PIEZO2: variants seen among roughly 807,000 people sequenced by gnomAD.
PIEZO2 encodes the protein piezo-type mechanosensitive ion channel component 2.
Under a neutral mutation model 337.3 loss-of-function variants are expected in PIEZO2, and 172 were observed. The ratio of observed to expected loss-of-function variants is 0.51; its 90% CI spans 0.45 to 0.58. The LOEUF is 0.58. PIEZO2 is among the 20% of genes least tolerant of loss of function. PIEZO2 has a pLI of 0.00. For missense variants in PIEZO2, 3,028 were observed against 3,391.3 expected (o/e 0.89, Z 2.66); for synonymous variants, 1,251 against 1,228.5 (o/e 1.02, Z -0.38).
chr18:11,030,686 T>C lies in PIEZO2; in HGVS notation c.160+35441A>G, dbSNP rs78567443. Among the ~76,000 whole-genome samples, 1,041 of 152,186 alleles carry C rather than the reference T, an allele frequency of 6.8e-3. 9 individuals are homozygous for C. Among genetic ancestry groups the C allele is most frequent in the African/African-American group, 0.024 (1,001 of 41,518 alleles). ...ATATGACAAGGACCCCAGGCCTCCA[T>C]AGGGGACGGTGCTGCCCACTCTTAA... On this transcript the variant is annotated intron_variant, in intron 2 of 55. Coordinates refer to ENST00000674853, the MANE Select transcript of PIEZO2 (RefSeq NM_001378183.1).
In PIEZO2 at chr18:10,857,353, C is replaced by T. The variant is rs1313503961; in HGVS notation, c.493-142G>A. 4.4e-6 allele frequency: 3 copies of T among 687,164 alleles called. No individual in the cohort carries two copies. In the African/African-American group the frequency reaches 5.4e-5, roughly 12 times the overall value. The allele number at this position is 687,164 out of a possible 1,614,324, so 42.6% of individuals were successfully genotyped here. A position where few individuals can be genotyped will look rare whatever the true frequency, so the allele number is the denominator to read the frequency against. On this transcript the variant is annotated intron_variant, in intron 5 of 55. Coordinates refer to ENST00000674853, the MANE Select transcript of PIEZO2 (RefSeq NM_001378183.1). ...AAAAGGGAAGACAACCAGTTCATTC[C>T]CCTCAGGTCTCTGATAATCCCCGTA...
intron 17 of PIEZO2, among the ~76,000 whole-genome samples, chr18:10,780,815 A>G (rs1479862282): frequency 1.3e-5 from 2 of 151,682 alleles, no homozygotes; most frequent in African/African-American, 4.8e-5. Context: ...GGTGTATGCC[A>G]TCATACCTGG....
At chr18:11,061,912 A>G (rs1445576117) in intron 2 of PIEZO2, among the ~76,000 whole-genome samples, 2 of 152,226 alleles carry the variant, frequency 1.3e-5, no homozygotes, top group Non-Finnish European at 2.9e-5. Flanking sequence ...AAACTACTTT[A>G]AAGTTCATAT....
Position 11,148,237 on chromosome 18 carries a change from C to T in PIEZO2, c.64+288G>A, listed in dbSNP as rs549098611. Among the ~76,000 whole-genome samples, 12 of 152,282 alleles carry T rather than the reference C, an allele frequency of 7.9e-5. 1 individual carries two copies. Among genetic ancestry groups the T allele is most frequent in the African/African-American group, 2.9e-4 (12 of 41,562 alleles). On this transcript the variant is annotated intron_variant, in intron 1 of 55. Transcript: ENST00000674853. The surrounding 1 kb of genome is among the most constrained non-coding windows in gnomAD (Gnocchi z 5.2). ...GCCACAGCAATGGCCATCCTTAGTA[C>T]ACAAGTCAGTACTCCACGAAAGAAA...
At position 11,148,712 on chromosome 18, in the gene PIEZO2, G is replaced by C; in HGVS notation, c.-124C>G. The stretch of plus-strand genomic sequence containing the variant: ...GGCAGCTCGCAGCCACCCGAGCATC[G>C]CCTCGGCGCGGGCCGCGACGCTCTC... On this transcript the variant is annotated 5_prime_UTR_variant, in exon 1 of 56. Coordinates refer to ENST00000674853, the MANE Select transcript of PIEZO2 (RefSeq NM_001378183.1). The surrounding 1 kb of genome is among the most constrained non-coding windows in gnomAD (Gnocchi z 5.2). 1 of 1,049,560 alleles carries C rather than the reference G, an allele frequency of 9.5e-7. No homozygotes were observed. The allele number at this position is 1,049,560 out of a possible 1,614,324, so 65.0% of individuals were successfully genotyped here. A position where few individuals can be genotyped will look rare whatever the true frequency, so the allele number is the denominator to read the frequency against.
Position 10,699,099 on chromosome 18 carries a change from C to A in PIEZO2, c.6520G>T (p.Gly2174Cys). The A allele has an allele frequency of 6.5e-7, 1 of 1,537,190 alleles. No individual in the cohort carries two copies. The highest frequency in any genetic ancestry group is 8.7e-7 in the Non-Finnish European group (1 of 1,146,896). The stretch of plus-strand genomic sequence containing the variant: ...TCGGAGGAGTCCCTCCTGCCATGAC[C>A]GAGGGAGAGCTCATCATCTGATTCC... The part of the protein sequence containing the change: ...REESDDELSL[G>C]HGRRDSSDSL... Residue 2174 changes from glycine (G) to cysteine (C), a missense_variant, in exon 44 of 56, where the codon GGT (glycine) becomes TGT (cysteine). This residue lies in a region of PIEZO2 where 1,925 missense variants were observed against 2,051.9 expected (regional missense o/e 0.94). Transcript: ENST00000674853.
At chr18:10,886,380 GTATA>G (rs1173330460) in intron 4 of PIEZO2, among the ~76,000 whole-genome samples, 10 of 3,012 alleles carry the variant, frequency 3.3e-3, no homozygotes, top group African/African-American at 0.011. Flanking sequence ...GTGTGTGTGT[GTATA>G]TATATATATA....
chr18:10,730,601 CAT>C (rs1186170724), intron 36 of PIEZO2, among the ~76,000 whole-genome samples: 1 of 152,078 alleles, frequency 6.6e-6, no homozygotes, highest in East Asian at 1.9e-4. Context: ...GTGTTTATAT[CAT>C]GTTTTCAAAT....
chr18:10,761,047 T>C lies in PIEZO2; in HGVS notation c.3314A>G (p.Tyr1105Cys), dbSNP rs1365014954. 5.9e-6 allele frequency: 9 copies of C among 1,537,074 alleles called. No homozygotes were observed. Among genetic ancestry groups the C allele is most frequent in the South Asian group, 1.2e-5 (1 of 84,068 alleles). ...GGCCGTCAGGTTATTTCGACCTCGA[T>C]AGTATTCCTGATGGCGGTAAATGGT... The part of the protein sequence containing the change: ...EVTIYRHQEY[Y>C]RGRNNLTAPV... Residue 1105 changes from tyrosine to cysteine, a missense_variant, in exon 24 of 56, where the codon TAT becomes TGT. Physicochemically the swap from Tyr to Cys is radical, Grantham distance 194. Transcript: ENST00000674853.
At chr18:10,818,071 C>T (rs568302182) in intron 7 of PIEZO2, among the ~76,000 whole-genome samples, 49 of 151,902 alleles carry the variant, frequency 3.2e-4, no homozygotes, top group African/African-American at 8.7e-4. Context: ...TTCTCTGTCC[C>T]TTGAAAAAAA....
At position 10,834,540 on chromosome 18, in the gene PIEZO2, T is replaced by C. The variant is rs547012405; in HGVS notation, c.917+20813A>G. ...GAGTCACAGAGTCTTTTTGGGAGAA[T>C]GCAACAGAATGTGATTGAATCCCTG... On this transcript the variant is annotated intron_variant, in intron 7 of 55. Coordinates refer to ENST00000674853, the MANE Select transcript of PIEZO2 (RefSeq NM_001378183.1). The surrounding 1 kb of genome is among the most constrained non-coding windows in gnomAD (Gnocchi z 4.5). 6.6e-6 allele frequency among the ~76,000 whole-genome samples: 1 copy of C among 152,318 alleles called. No individual in the cohort carries two copies. Among genetic ancestry groups the C allele is most frequent in the African/African-American group, 2.4e-5 (1 of 41,564 alleles).
At chr18:10,712,169 A>G (rs1232946631) in intron 39 of PIEZO2, among the ~76,000 whole-genome samples, 1 of 152,238 alleles carries the variant, frequency 6.6e-6, no homozygotes, top group Non-Finnish European at 1.5e-5. Flanking sequence ...GTAACTAGGA[A>G]GCAGCACCAG....
Position 10,830,936 on chromosome 18 carries a change from A to T in PIEZO2, c.918-23662T>A, listed in dbSNP as rs2040825560. 6.6e-6 allele frequency among the ~76,000 whole-genome samples: 1 copy of T among 152,262 alleles called. No individual in the cohort carries two copies. Among genetic ancestry groups the T allele is most frequent in the Admixed American group, 6.5e-5 (1 of 15,290 alleles). ...CAAACAGGCATATGCAAAAGTGCTT[A>T]GCATAATTTATCACCAGAGAAATGC... On this transcript the variant is annotated intron_variant, in intron 7 of 55. Transcript: ENST00000674853. The surrounding 1 kb of genome is among the most constrained non-coding windows in gnomAD (Gnocchi z 4.7).
rs941539432 is a variant in PIEZO2, at chr18:11,129,624, T to C, written c.64+18901A>G. ...TGAATGAAGGGGAGGCTGAGTCCCC[T>C]TGAGGAAGAACCCCACTACATTACG... On this transcript the variant is annotated intron_variant, in intron 1 of 55. Transcript: ENST00000674853. This position sits in a 1 kb window ranked among gnomAD's most constrained non-coding sequence, Gnocchi z 4.6. 2.0e-5 allele frequency among the ~76,000 whole-genome samples: 3 copies of C among 152,160 alleles called. No individual in the cohort carries two copies. The highest frequency in any genetic ancestry group is 4.4e-5 in the Non-Finnish European group (3 of 68,010).
At position 10,982,286 on chromosome 18, in the gene PIEZO2, T is replaced by A. The variant is rs2034697799; in HGVS notation, c.161-2626A>T. ...ATCAAAGGGAGTTTATTAAGGAGTA[T>A]TGACTCACACAGTCACAAGGTGATA... On this transcript the variant is annotated intron_variant, in intron 2 of 55. Coordinates refer to ENST00000674853, the MANE Select transcript of PIEZO2 (RefSeq NM_001378183.1). The surrounding 1 kb of genome is among the most constrained non-coding windows in gnomAD (Gnocchi z 4.1). Among the ~76,000 whole-genome samples, 2 of 152,096 alleles carry A rather than the reference T, an allele frequency of 1.3e-5. 1 individual carries two copies. The highest frequency in any genetic ancestry group is 4.1e-4 in the South Asian group (2 of 4,834).
chr18:10,938,910 C>T (rs2032554378), intron 3 of PIEZO2, among the ~76,000 whole-genome samples: 5 of 151,924 alleles, frequency 3.3e-5, no homozygotes, highest in Admixed American at 6.6e-5. Context: ...CACAGTGAAA[C>T]CTTGTCTCTG....
At chr18:10,978,650 A>G (rs1055379655) in intron 3 of PIEZO2, among the ~76,000 whole-genome samples, 1 of 152,148 alleles carries the variant, frequency 6.6e-6, no homozygotes, top group Non-Finnish European at 1.5e-5. Flanking sequence ...AAGAATTTTG[A>G]TTTCCTTTTT....
intron 2 of PIEZO2, among the ~76,000 whole-genome samples, chr18:11,064,539 T>TC (rs2038087829): frequency 6.6e-6 from 1 of 152,222 alleles, no homozygotes; most frequent in Non-Finnish European, 1.5e-5. Context: ...ATTTTATGTT[T>TC]CACCTATGAT....
At chr18:10,978,818 CAT>C (rs1448316841) in intron 3 of PIEZO2, among the ~76,000 whole-genome samples, 1 of 152,130 alleles carries the variant, frequency 6.6e-6, no homozygotes, top group Non-Finnish European at 1.5e-5. Context: ...TAACTGAAAA[CAT>C]ATGAATTGCT....
Sources: gnomAD v4.1 joint callset for allele counts (sites outside exome capture counted in the v4.1 genomes callset) on GRCh38, gnomAD v4.1.1 for gene constraint, gnomAD v4.1.1 regional missense constraint, Gnocchi (gnomAD v3.1) non-coding constraint, MANE v1.5 for transcripts, NCBI Gene and HGNC (gene_info 2026-07-23, HGNC 2026-07-21) for gene names.